FTO: variants seen among roughly 807,000 people sequenced by gnomAD.
FTO encodes alpha-ketoglutarate-dependent dioxygenase FTO.
Under a neutral mutation model 63.9 loss-of-function variants are expected in FTO, and 47 were observed. The observed-to-expected ratio is 0.74, with a 90% CI of 0.58 to 0.94. The LOEUF (loss-of-function observed/expected upper bound fraction) is 0.94, where lower values mean the gene tolerates loss of function less well. Ranked by LOEUF, FTO falls within the 40% of genes least tolerant of loss-of-function variation. The pLI, the probability that FTO is intolerant of heterozygous loss-of-function variation, is 0.00. For missense variants in FTO, 562 were observed against 618.1 expected, an observed-to-expected ratio of 0.91 and a Z score of 0.96; for synonymous variants, 207 against 224.4, an observed-to-expected ratio of 0.92 and a Z score of 0.69.
intron 8 of FTO, among the ~76,000 whole-genome samples, chr16:54,106,877 A>T (rs188756849): frequency 0.016 from 2,187 of 139,056 alleles, 57 homozygotes; most frequent in African/African-American, 0.054. Context: ...TAATATAATA[A>T]ATATATTATT....
chr16:54,053,485 C>T (rs1452451601), intron 8 of FTO, among the ~76,000 whole-genome samples: 1 of 152,134 alleles, frequency 6.6e-6, no homozygotes, highest in African/African-American at 2.4e-5. Flanking sequence ...TGCTCTAAAC[C>T]ACCTTTGGTG....
intron 1 of FTO, among the ~76,000 whole-genome samples, chr16:53,778,202 G>A (rs1456205081): frequency 6.6e-6 from 1 of 152,086 alleles, no homozygotes; most frequent in Non-Finnish European, 1.5e-5. Flanking sequence ...TATTAAAACA[G>A]CCTGCTCACT....
At chr16:53,882,103 A>G (rs2151894763) in intron 6 of FTO, among the ~76,000 whole-genome samples, 1 of 152,344 alleles carries the variant, frequency 6.6e-6, no homozygotes, top group African/African-American at 2.4e-5. Context: ...AGGAGACACT[A>G]AAATGTGGTT....
intron 1 of FTO, among the ~76,000 whole-genome samples, chr16:53,758,279 A>G (rs965474318): frequency 6.6e-6 from 1 of 152,222 alleles, no homozygotes; most frequent in African/African-American, 2.4e-5. Context: ...CAGGACATCT[A>G]GATTTTTATT....
At chr16:53,713,373 T>G (rs931340038) in intron 1 of FTO, among the ~76,000 whole-genome samples, 1 of 152,214 alleles carries the variant, frequency 6.6e-6, no homozygotes, top group Non-Finnish European at 1.5e-5. Context: ...CTTTCTAACT[T>G]CTAGAGGAGA....
intron 8 of FTO, chr16:53,998,232 C>T (rs755954862): frequency 7.2e-5 from 11 of 152,214 alleles, no homozygotes; most frequent in Non-Finnish European, 1.5e-4. Flanking sequence ...GGGCAAAAAG[C>T]AGTAGTGAGG....
At chr16:53,964,135 C>T (rs752268668) in intron 8 of FTO, among the ~76,000 whole-genome samples, 4 of 152,182 alleles carry the variant, frequency 2.6e-5, no homozygotes, top group Non-Finnish European at 5.9e-5. Flanking sequence ...CTGATATGGT[C>T]CTTCCCATGT....
intron 1 of FTO, among the ~76,000 whole-genome samples, chr16:53,786,467 T>G (rs1281402337): frequency 6.6e-6 from 1 of 152,172 alleles, no homozygotes; most frequent in Non-Finnish European, 1.5e-5. Flanking sequence ...AATTCAAAAC[T>G]GGCTCTTGAA....
intron 8 of FTO, among the ~76,000 whole-genome samples, chr16:54,058,099 ATTTAT>A (rs1206096508): frequency 6.6e-6 from 1 of 151,834 alleles, no homozygotes; most frequent in African/African-American, 2.4e-5. Flanking sequence ...ATGGAGGAGA[ATTTAT>A]TTTATTTTAT....
intron 7 of FTO, among the ~76,000 whole-genome samples, chr16:53,918,985 ATAGT>A (rs1302449030): frequency 1.3e-5 from 2 of 152,192 alleles, no homozygotes; most frequent in Non-Finnish European, 2.9e-5. Flanking sequence ...CCCAACACAC[ATAGT>A]TAGTATGAGG....
chr16:54,030,505 T>G (rs2084804440), intron 8 of FTO, among the ~76,000 whole-genome samples: 1 of 152,218 alleles, frequency 6.6e-6, no homozygotes, highest in South Asian at 2.1e-4. Flanking sequence ...AATTTGAGTG[T>G]TCTCTTTCAG....
intron 1 of FTO, among the ~76,000 whole-genome samples, chr16:53,731,748 CTTT>C (rs1288180518): frequency 1.6e-5 from 2 of 127,388 alleles, no homozygotes. Context: ...AATGTTTGTA[CTTT>C]TTTTTTTTTT....
intron 2 of FTO, among the ~76,000 whole-genome samples, chr16:53,821,688 A>G (rs17219084): frequency 0.32 from 48,091 of 152,008 alleles, 8,156 homozygotes; most frequent in Middle Eastern, 0.48. Context: ...CTTACCTAGT[A>G]AAGTCATTTT....
At chr16:53,738,849 T>A (rs907251568) in intron 1 of FTO, among the ~76,000 whole-genome samples, 24 of 151,174 alleles carry the variant, frequency 1.6e-4, no homozygotes, top group South Asian at 1.5e-3. Context: ...TTAAAAAAAA[T>A]TTTTTTTTTG....
At chr16:53,783,229 C>G (rs953294386) in intron 1 of FTO, among the ~76,000 whole-genome samples, 1 of 152,000 alleles carries the variant, frequency 6.6e-6, no homozygotes. Flanking sequence ...CTCCTGTAAT[C>G]CCAGCACTTC....
At chr16:53,934,502 T>G (rs2082345654) in intron 8 of FTO, among the ~76,000 whole-genome samples, 1 of 152,194 alleles carries the variant, frequency 6.6e-6, no homozygotes, top group Admixed American at 6.5e-5. Flanking sequence ...GCAGGGCAGA[T>G]TACTTGAAAG....
intron 8 of FTO, among the ~76,000 whole-genome samples, chr16:54,093,738 G>A (rs1475817001): frequency 6.6e-6 from 1 of 152,212 alleles, no homozygotes; most frequent in Non-Finnish European, 1.5e-5. Flanking sequence ...GGGATCCGCA[G>A]TGAGGGCCTA....
intron 4 of FTO, among the ~76,000 whole-genome samples, chr16:53,868,831 T>A (rs1227654554): frequency 6.6e-6 from 1 of 152,008 alleles, no homozygotes; most frequent in Non-Finnish European, 1.5e-5. Context: ...ATCCTTTCTT[T>A]CTTTCTTTTT....
chr16:54,018,629 T>C (rs1015883591), intron 8 of FTO, among the ~76,000 whole-genome samples: 1 of 152,144 alleles, frequency 6.6e-6, no homozygotes, highest in African/African-American at 2.4e-5. Context: ...GGTTCCCCCA[T>C]GCTAGTCTCG....
Sources: allele counts gnomAD v4.1 joint callset (sites outside exome capture counted in the v4.1 genomes callset), GRCh38; gene constraint gnomAD v4.1.1; transcripts MANE v1.5; gene names NCBI Gene and HGNC (gene_info 2026-07-23, HGNC 2026-07-21).